Variants in FAR2 observed in about 807,000 individuals in gnomAD.
The protein encoded by FAR2 is epididymis secretory protein Li 81.
FAR2 carries 19 observed loss-of-function variants against 56.0 expected under a neutral mutation model. The ratio of observed to expected loss-of-function variants is 0.34; its 90% CI spans 0.24 to 0.50. The LOEUF (loss-of-function observed/expected upper bound fraction) is 0.50, where lower values mean the gene tolerates loss of function less well. Among genes scored for constraint, FAR2 ranks in the 20% least tolerant of loss-of-function variants. FAR2 has a pLI of 0.98. For missense variants in FAR2, 508 were observed against 642.2 expected (o/e 0.79, Z 2.26); for synonymous variants, 219 against 218.8 (o/e 1.00, Z -0.01).
At chr12:29,168,265 C>A (rs1016737060) in intron 1 of FAR2, among the ~76,000 whole-genome samples, 2 of 152,166 alleles carry the variant, frequency 1.3e-5, no homozygotes, top group Non-Finnish European at 2.9e-5. Context: ...ACAGAAATTA[C>A]TGAGATTTAT....
At chr12:29,255,953 T>C (rs1040463509) in intron 1 of FAR2, among the ~76,000 whole-genome samples, 1 of 152,140 alleles carries the variant, frequency 6.6e-6, no homozygotes, top group African/African-American at 2.4e-5. Context: ...CACTTCAACC[T>C]CTGACTCCTG....
In FAR2 at chr12:29,211,763, A is replaced by G. The variant is rs561319466; in HGVS notation, c.-38-58649A>G. ...TGTTCTACCAAAATTCATATGGTGA[A>G]GTCTTAATCCCAGTAGCTCAGAATG... is the stretch of plus-strand genomic sequence containing the variant. On this transcript the variant is annotated intron_variant, in intron 1 of 11. Coordinates refer to ENST00000536681, the MANE Select transcript of FAR2 (RefSeq NM_001271783.2). Among the ~76,000 whole-genome samples, 3 of 152,004 alleles carry G rather than the reference A, an allele frequency of 2.0e-5. No homozygotes were observed. In the South Asian group the frequency reaches 6.3e-4, roughly 32 times the overall value.
At chr12:29,291,020 T>A (rs2136746777) in intron 2 of FAR2, among the ~76,000 whole-genome samples, 1 of 152,304 alleles carries the variant, frequency 6.6e-6, no homozygotes, top group African/African-American at 2.4e-5. Flanking sequence ...ACTCAAAGGA[T>A]AAATGCTTGA....
chr12:29,293,587 A>C, intron 3 of FAR2, 112 bp downstream of exon 3: 1 of 993,060 alleles, frequency 1.0e-6, no homozygotes, highest in East Asian at 2.9e-5. Context: ...ACATACAAAG[A>C]AGCAAAACTC....
chr12:29,149,594 C>A (rs894548639), intron 1 of FAR2, among the ~76,000 whole-genome samples, 187 bp downstream of exon 1: 1 of 152,218 alleles, frequency 6.6e-6, no homozygotes, highest in Non-Finnish European at 1.5e-5. Context: ...GAGGCTCTGC[C>A]CCCTGAAGCT....
chr12:29,290,617 T>C (rs1354542488), intron 2 of FAR2, among the ~76,000 whole-genome samples: 2 of 152,118 alleles, frequency 1.3e-5, no homozygotes, highest in African/African-American at 4.8e-5. Flanking sequence ...CATCAATAGA[T>C]GAATGGATAA....
At chr12:29,157,761 G>A (rs1949742899) in intron 1 of FAR2, among the ~76,000 whole-genome samples, 1 of 152,204 alleles carries the variant, frequency 6.6e-6, no homozygotes, top group South Asian at 2.1e-4. Context: ...ATCCTTGAAA[G>A]CAAGATCCTT....
rs1947705656 is a variant in FAR2, at chr12:29,222,343, T to C, written c.-38-48069T>C. On this transcript the variant is annotated intron_variant, in intron 1 of 11. Transcript: ENST00000536681. ...TAAAGAGAAATTATTCAAACACATTTTTTAAGTGTCAAGAAAGATTTTATT... is the reference window on the plus strand; with the variant it reads ...TAAAGAGAAATTATTCAAACACATTCTTTAAGTGTCAAGAAAGATTTTATT... 2.6e-5 allele frequency among the ~76,000 whole-genome samples: 4 copies of C among 152,320 alleles called. No individual in the cohort carries two copies. In the South Asian group the frequency reaches 8.3e-4, roughly 32 times the overall value.
chr12:29,166,445 C>T (rs1949830215), intron 1 of FAR2, among the ~76,000 whole-genome samples: 1 of 152,182 alleles, frequency 6.6e-6, no homozygotes. Flanking sequence ...CAGATCTCTG[C>T]TTTCTGACCA....
chr12:29,187,155 A>G (rs1950052320), intron 1 of FAR2, among the ~76,000 whole-genome samples: 1 of 152,050 alleles, frequency 6.6e-6, no homozygotes, highest in Admixed American at 6.5e-5. Context: ...AACTTCCATA[A>G]ACATTCCTGT....
At chr12:29,252,547 C>T (rs1948231297) in intron 1 of FAR2, among the ~76,000 whole-genome samples, 1 of 152,166 alleles carries the variant, frequency 6.6e-6, no homozygotes, top group Admixed American at 6.5e-5. Flanking sequence ...CTTTTGTCCG[C>T]TTATCATGCA....
intron 1 of FAR2, among the ~76,000 whole-genome samples, chr12:29,170,649 C>G (rs1156998682): frequency 6.6e-6 from 1 of 151,912 alleles, no homozygotes; most frequent in Non-Finnish European, 1.5e-5. Flanking sequence ...CTCTCTTTCT[C>G]TCTCTCTCTG....
intron 10 of FAR2, chr12:29,331,898 TTTC>T (rs1382212951): frequency 2.0e-5 from 3 of 152,204 alleles, no homozygotes; most frequent in Non-Finnish European, 4.4e-5. Flanking sequence ...TGCAAGTGTT[TTTC>T]TTTTCTCTTC....
intron 1 of FAR2, among the ~76,000 whole-genome samples, chr12:29,224,046 T>G (rs1488212605): frequency 1.1e-4 from 16 of 152,156 alleles, no homozygotes; most frequent in Admixed American, 1.0e-3. Flanking sequence ...CAGAACTCAT[T>G]TATCCTAAGA....
rs895002886 is a variant in FAR2, at chr12:29,335,332, T to C, written c.*1538T>C. ...ATATCTTTCCCAATCTCATCTAAAT[T>C]CTGGGAAATATTTTCCATAGCAGAC... On this transcript the variant is annotated 3_prime_UTR_variant, in exon 12 of 12. Coordinates refer to ENST00000536681, the MANE Select transcript of FAR2 (RefSeq NM_001271783.2). The C allele has an allele frequency of 9.2e-5, 14 of 152,140 alleles. No individual in the cohort carries two copies. The allele number at this position is 152,140 out of a possible 1,614,324, so 9.4% of individuals were successfully genotyped here.
chr12:29,287,206 GGTTT>G (rs1486924959), intron 2 of FAR2, among the ~76,000 whole-genome samples: 1 of 152,146 alleles, frequency 6.6e-6, no homozygotes, highest in African/African-American at 2.4e-5. Context: ...TCAGGACATA[GGTTT>G]GTTTGTTTGA....
At chr12:29,178,957 G>A (rs1949966235) in intron 1 of FAR2, among the ~76,000 whole-genome samples, 1 of 152,104 alleles carries the variant, frequency 6.6e-6, no homozygotes, top group Non-Finnish European at 1.5e-5. Flanking sequence ...CCTTCTGAGG[G>A]CCATCGGGAA....
At chr12:29,227,351 A>G (rs778128443) in intron 1 of FAR2, among the ~76,000 whole-genome samples, 1 of 152,228 alleles carries the variant, frequency 6.6e-6, no homozygotes, top group Non-Finnish European at 1.5e-5. Flanking sequence ...AAACATTGTC[A>G]ATATAGATAA....
At chr12:29,305,003 C>A (rs564328008) in intron 4 of FAR2, among the ~76,000 whole-genome samples, 2 of 152,280 alleles carry the variant, frequency 1.3e-5, no homozygotes, top group East Asian at 3.9e-4. Context: ...CTTGGCCCAA[C>A]CAGTGGATGT....
Sources: allele counts gnomAD v4.1 joint callset (sites outside exome capture counted in the v4.1 genomes callset), GRCh38; gene constraint gnomAD v4.1.1; transcripts MANE v1.5; gene names NCBI Gene and HGNC (gene_info 2026-07-23, HGNC 2026-07-21).